Variants in CREB5 observed in about 807,000 individuals in gnomAD.
The protein encoded by CREB5 is cAMP responsive element binding protein 5.
Under a neutral mutation model 57.1 loss-of-function variants are expected in CREB5, and 19 were observed. That is an observed-to-expected ratio of 0.33 (90% confidence interval 0.23 to 0.49). CREB5 has a LOEUF of 0.49. CREB5 is among the 20% of genes least tolerant of loss of function. CREB5 has a pLI of 0.99. For missense variants in CREB5, 579 were observed against 671.6 expected (o/e 0.86, Z 1.52); for synonymous variants, 238 against 238.3 (o/e 1.00, Z 0.01).
chr7:28,794,057 C>T (rs976025289), intron 7 of CREB5, among the ~76,000 whole-genome samples: 1 of 152,208 alleles, frequency 6.6e-6, no homozygotes, highest in Non-Finnish European at 1.5e-5. Flanking sequence ...GTTAATGCTG[C>T]ATTAGCATGG....
chr7:28,505,034 A>G (rs1260614499), intron 3 of CREB5, among the ~76,000 whole-genome samples: 1 of 152,170 alleles, frequency 6.6e-6, no homozygotes, highest in Non-Finnish European at 1.5e-5. Context: ...TGGCCTTATG[A>G]ATTAGGAATT....
chr7:28,392,719 C>A (rs1787246711), intron 1 of CREB5, among the ~76,000 whole-genome samples: 1 of 152,136 alleles, frequency 6.6e-6, no homozygotes, highest in South Asian at 2.1e-4. Flanking sequence ...GTCAAATCCT[C>A]ATTTTTATAC....
At chr7:28,432,088 C>T (rs1788739786) in intron 1 of CREB5, among the ~76,000 whole-genome samples, 1 of 150,564 alleles carries the variant, frequency 6.6e-6, no homozygotes, top group African/African-American at 2.5e-5. Flanking sequence ...TAACCAAAAG[C>T]CGTGTTTGGG....
intron 5 of CREB5, among the ~76,000 whole-genome samples, chr7:28,705,317 C>A (rs1316174055): frequency 6.8e-6 from 1 of 146,388 alleles, no homozygotes; most frequent in Non-Finnish European, 1.5e-5. Flanking sequence ...GAGCCGAGAT[C>A]ACTCACCACT....
At chr7:28,327,148 C>CAA (rs751999998) in intron 1 of CREB5, among the ~76,000 whole-genome samples, 2,784 of 68,686 alleles carry the variant, frequency 0.041, 90 homozygotes, top group Admixed American at 0.096. Flanking sequence ...GACTCCATCT[C>CAA]AAAAAAAAAA....
At chr7:28,547,175 A>C (rs1794454057) in intron 4 of CREB5, among the ~76,000 whole-genome samples, 1 of 152,226 alleles carries the variant, frequency 6.6e-6, no homozygotes, top group Non-Finnish European at 1.5e-5. Context: ...CTGTGTGAGA[A>C]TATAGGGACA....
chr7:28,410,271 C>G (rs1787723547), upstream of CREB5: 1 of 455,906 alleles, frequency 2.2e-6, no homozygotes, highest in Non-Finnish European at 4.4e-6. Flanking sequence ...CGGCCGCCTC[C>G]TGCCTCCGCT....
At chr7:28,668,391 A>T (rs1455758477) in intron 5 of CREB5, among the ~76,000 whole-genome samples, 2 of 152,130 alleles carry the variant, frequency 1.3e-5, no homozygotes, top group Non-Finnish European at 2.9e-5. Context: ...GACATGTCAA[A>T]GTTTATTTCT....
intron 1 of CREB5, among the ~76,000 whole-genome samples, chr7:28,319,076 G>A (rs12538547): frequency 0.27 from 40,463 of 151,904 alleles, 5,917 homozygotes; most frequent in Middle Eastern, 0.39. Flanking sequence ...ACTCTTTTCT[G>A]GTTTCTTTAA....
chr7:28,489,529 C>T (rs1476275213), intron 2 of CREB5, among the ~76,000 whole-genome samples: 25 of 152,010 alleles, frequency 1.6e-4, no homozygotes, highest in Non-Finnish European at 1.5e-5. Flanking sequence ...TCTCGATCTC[C>T]TGACCTCATG....
chr7:28,802,478 C>T (rs1000635864), intron 7 of CREB5, among the ~76,000 whole-genome samples: 1 of 152,174 alleles, frequency 6.6e-6, no homozygotes, highest in Admixed American at 6.5e-5. Context: ...TTAAATACAA[C>T]TGTTTCCTTG....
intron 1 of CREB5, among the ~76,000 whole-genome samples, chr7:28,416,547 G>C (rs1329971906): frequency 1.3e-5 from 2 of 152,082 alleles, no homozygotes; most frequent in Admixed American, 6.6e-5. Context: ...TTTCCACCAG[G>C]GTATCTAGCT....
chr7:28,472,399 A>G (rs570228269), intron 1 of CREB5, among the ~76,000 whole-genome samples: 1 of 152,346 alleles, frequency 6.6e-6, no homozygotes, highest in Non-Finnish European at 1.5e-5. Flanking sequence ...TGACATAGGT[A>G]TTATCTCTAT....
At chr7:28,706,763 A>C (rs907824603) in intron 5 of CREB5, among the ~76,000 whole-genome samples, 10 of 152,220 alleles carry the variant, frequency 6.6e-5, no homozygotes, top group African/African-American at 2.4e-4. Context: ...GAGAGCACAC[A>C]GTTTCCTAGA....
At chr7:28,510,347 T>A (rs148650781) in intron 4 of CREB5, among the ~76,000 whole-genome samples, 2 of 152,374 alleles carry the variant, frequency 1.3e-5, no homozygotes, top group East Asian at 3.9e-4. Flanking sequence ...CATCTCTAGT[T>A]GTCTTCTGAT....
At chr7:28,550,100 C>T (rs1331926119) in intron 4 of CREB5, among the ~76,000 whole-genome samples, 1 of 152,080 alleles carries the variant, frequency 6.6e-6, no homozygotes. Flanking sequence ...CTCCTTCCTC[C>T]TCTTTCTCCT....
intron 7 of CREB5, among the ~76,000 whole-genome samples, chr7:28,733,590 G>A (rs774763958): frequency 1.3e-5 from 2 of 152,180 alleles, no homozygotes; most frequent in Non-Finnish European, 2.9e-5. Flanking sequence ...TTCCCCAGGT[G>A]GGCAGGAGCC....
At chr7:28,302,267 T>G (rs1365355123) in intron 1 of CREB5, among the ~76,000 whole-genome samples, 1 of 152,204 alleles carries the variant, frequency 6.6e-6, no homozygotes, top group Non-Finnish European at 1.5e-5. Context: ...TTTGGACTGA[T>G]TTTTGGTTTC....
chr7:28,767,646 A>T (rs971460837), intron 7 of CREB5, among the ~76,000 whole-genome samples: 3 of 152,196 alleles, frequency 2.0e-5, no homozygotes, highest in Admixed American at 6.5e-5. Context: ...GACACACTGC[A>T]AATCGGCACA....
Sources: allele counts gnomAD v4.1 joint callset (sites outside exome capture counted in the v4.1 genomes callset), GRCh38; gene constraint gnomAD v4.1.1; transcripts MANE v1.5; gene names NCBI Gene and HGNC (gene_info 2026-07-23, HGNC 2026-07-21).